Variants in LYST observed in about 807,000 individuals in gnomAD.
The protein encoded by LYST is lysosomal-trafficking regulator.
In LYST, 192 loss-of-function variants were observed where a neutral mutation model predicts 413.6. That is an observed-to-expected ratio of 0.46 (90% CI 0.41 to 0.52). The LOEUF (loss-of-function observed/expected upper bound fraction) is 0.52, where lower values mean the gene tolerates loss of function less well. Among genes scored for constraint, LYST ranks in the 20% least tolerant of loss-of-function variants. The pLI is 0.00. For synonymous variants in LYST, 1,525 were observed against 1,567.3 expected (o/e 0.97, Z 0.64); for missense variants, 3,815 against 4,499.9 (o/e 0.85, Z 4.35).
At chr1:235,821,192 C>G (rs1306069405) in intron 3 of LYST, among the ~76,000 whole-genome samples, 4 of 152,208 alleles carry the variant, frequency 2.6e-5, no homozygotes, top group African/African-American at 9.7e-5. Flanking sequence ...AATCCCAGCA[C>G]TTTGGGAGGC....
rs1668122936 is a variant in LYST, at chr1:235,766,144, A to G, written c.6056T>C (p.Val2019Ala). 1 of 1,613,368 alleles carries G rather than the reference A, an allele frequency of 6.2e-7. No individual in the cohort carries two copies. The highest frequency in any genetic ancestry group is 1.3e-5 in the African/African-American group (1 of 74,912). Residue 2019 changes from valine to alanine, a missense_variant, in exon 21 of 53, where the codon GTT (valine) becomes GCT (alanine). Physicochemically the swap from Val to Ala is moderately conservative, Grantham distance 64 (BLOSUM62 0). Around this residue, in one of 4 missense-constraint regions of LYST, gnomAD observed 530 missense variants for 696.5 expected, o/e 0.76. Transcript: ENST00000389793. ...LTIIFNFLLA[V>A]HPPTNTYVCH... is the part of the protein sequence containing the mutation. ...AACGTAAGTATTAGTAGGAGGGTGA[A>G]CTGCTAAAAGGAAATTGAAGATAAT...
chr1:235,789,848 G>A (rs1038948937), intron 12 of LYST, among the ~76,000 whole-genome samples: 5 of 152,102 alleles, frequency 3.3e-5, no homozygotes, highest in African/African-American at 1.2e-4. Context: ...GACAAAACCA[G>A]TGTGTACCTA....
intron 42 of LYST, chr1:235,712,700 G>GGTGC (rs1662498577): frequency 1.0e-6 from 1 of 984,682 alleles, no homozygotes; most frequent in South Asian, 4.7e-5. Context: ...TTTTCGGGGG[G>GGTGC]GTGCGTAGGT....
Position 235,677,109 on chromosome 1 carries a change from C to T in LYST, c.11020G>A (p.Ala3674Thr). ...VSASETSGDI[A>T]TVCDSAGGGS... ...AGCTCACCTGAATCACACACAGTAG[C>T]AATATCACCTGAGGTTTCACTGGCA... The change falls in exon 50 of 53, where the codon GCT becomes ACT. Residue 3674 changes from alanine (A) to threonine (T), a missense_variant. Physicochemically the swap from Ala to Thr is moderately conservative, Grantham distance 58. Around this residue, in one of 4 missense-constraint regions of LYST, gnomAD observed 866 missense variants for 1,156.0 expected, o/e 0.75. Transcript: ENST00000389793. The T allele has an allele frequency of 1.2e-6, 2 of 1,613,824 alleles. No homozygotes were observed. The highest frequency in any genetic ancestry group is 1.3e-5 in the African/African-American group (1 of 75,016).
chr1:235,718,097 C>T (rs1332104682), intron 40 of LYST, among the ~76,000 whole-genome samples: 1 of 152,118 alleles, frequency 6.6e-6, no homozygotes, highest in African/African-American at 2.4e-5. Context: ...CTCCTGACCT[C>T]AGGTGATCCA....
chr1:235,793,682 A>G, intron 10 of LYST, 70 bp from the exon 11 acceptor site: 1 of 803,530 alleles, frequency 1.2e-6, no homozygotes, highest in East Asian at 2.5e-5. Flanking sequence ...CAATTTCACC[A>G]AAAGAGGTAA....
At chr1:235,867,012 C>A, upstream of LYST, 1 of 152,652 alleles carries the variant, frequency 6.6e-6, no homozygotes, top group South Asian at 1.9e-4. Context: ...ACCCGCTCGT[C>A]TGCGCGTGCG....
At position 235,804,554 on chromosome 1, in the gene LYST, G is replaced by C; in HGVS notation, c.3505C>G (p.Leu1169Val). The change falls in exon 7 of 53, where the codon CTC becomes GTC. Residue 1169 changes from leucine (L) to valine (V), a missense_variant. By Grantham distance (32) the Leu-to-Val change is conservative (BLOSUM62 1). This residue lies in a region of LYST where 1,648 missense variants were observed against 1,810.3 expected (regional missense o/e 0.91). Transcript: ENST00000389793. ...TCAAAATCTGCTGAATAATTCCCGA[G>C]GGCAACTCGAAGCAGGGCATCAAAT... The part of the protein sequence containing the change: ...PLFDALLRVA[L>V]GNYSADFEHN... The C allele has an allele frequency of 2.5e-6, 4 of 1,613,472 alleles. No homozygotes were observed. Among genetic ancestry groups the C allele is most frequent in the Middle Eastern group, 1.7e-4 (1 of 6,060 alleles).
intron 30 of LYST, among the ~76,000 whole-genome samples, chr1:235,743,606 T>C (rs1377627496): frequency 3.3e-5 from 5 of 152,150 alleles, no homozygotes; most frequent in African/African-American, 1.2e-4. Flanking sequence ...CTAAAATTCA[T>C]AATAATTAGA....
At chr1:235,821,207 G>C (rs114262417) in intron 3 of LYST, among the ~76,000 whole-genome samples, 160 of 152,296 alleles carry the variant, frequency 1.1e-3, no homozygotes, top group African/African-American at 3.7e-3. Context: ...GGAGGCCAAG[G>C]GGGGTGGTTG....
intron 31 of LYST, among the ~76,000 whole-genome samples, chr1:235,740,856 T>C (rs1456407358): frequency 6.6e-6 from 1 of 152,228 alleles, no homozygotes. Context: ...GTTAAATATA[T>C]GTTTAATTTT....
chr1:235,766,159 T>C lies in LYST; in HGVS notation c.6041A>G (p.Asn2014Ser). Residue 2014 changes from asparagine (N) to serine (S), a missense_variant, in exon 21 of 53, where the codon AAT becomes AGT. Asn to Ser is a conservative substitution (Grantham distance 46). Transcript: ENST00000389793. ...AGGAGGGTGAACTGCTAAAAGGAAATTGAAGATAATTGTCAATAATTCCAA... is the reference window on the plus strand; with the variant it reads ...AGGAGGGTGAACTGCTAAAAGGAAACTGAAGATAATTGTCAATAATTCCAA... ...PDLELLTIIF[N>S]FLLAVHPPTN... The C allele has an allele frequency of 6.2e-7, 1 of 1,613,222 alleles. No homozygotes were observed. The highest frequency in any genetic ancestry group is 8.5e-7 in the Non-Finnish European group (1 of 1,179,258).
At chr1:235,687,557 T>C (rs559575647) in intron 47 of LYST, among the ~76,000 whole-genome samples, 4 of 152,342 alleles carry the variant, frequency 2.6e-5, no homozygotes, top group Admixed American at 1.3e-4. Context: ...GATGGGATTA[T>C]GCCTTTGGTA....
intron 48 of LYST, among the ~76,000 whole-genome samples, chr1:235,679,662 G>C (rs1261524795): frequency 6.6e-6 from 1 of 152,034 alleles, no homozygotes; most frequent in Non-Finnish European, 1.5e-5. Flanking sequence ...TACCACACCA[G>C]CCTGGGGCCA....
rs763230913 is a variant in LYST, at chr1:235,787,191, G to C, written c.4862+9C>G. On this transcript the variant is annotated intron_variant, in intron 14 of 52. Coordinates refer to ENST00000389793, the MANE Select transcript of LYST (RefSeq NM_000081.4). ...AGATTGAGATGCATTTTCTCAAAAT[G>C]CTTCCTACCTCTGTCCAGAGACCCA... 4.4e-6 allele frequency: 7 copies of C among 1,608,440 alleles called. No homozygotes were observed. In the South Asian group the frequency reaches 7.7e-5, roughly 18 times the overall value.
At chr1:235,701,839 TAA>T (rs1661577718) in intron 45 of LYST, among the ~76,000 whole-genome samples, 1 of 152,260 alleles carries the variant, frequency 6.6e-6, no homozygotes. Context: ...ACTGGTGGAA[TAA>T]GTTTTGTTTG....
At chr1:235,790,741 G>T (rs927038582) in intron 12 of LYST, among the ~76,000 whole-genome samples, 1 of 151,986 alleles carries the variant, frequency 6.6e-6, no homozygotes, top group African/African-American at 2.4e-5. Context: ...TCAATGAACA[G>T]TTTTTTTTCT....
intron 24 of LYST, among the ~76,000 whole-genome samples, chr1:235,756,051 A>ATATCTG (rs964239591): frequency 9.4e-5 from 11 of 117,166 alleles, no homozygotes; most frequent in Non-Finnish European, 2.0e-4. Context: ...ATCTATATCT[A>ATATCTG]TATCTATATC....
At chr1:235,731,280 G>T (rs1385253475) in intron 34 of LYST, 103 bp from the exon 35 acceptor site, 4 of 984,660 alleles carry the variant, frequency 4.1e-6, no homozygotes, top group Admixed American at 3.5e-5. Flanking sequence ...CAACTGATCT[G>T]TTAATTTAAA....
Sources: gnomAD v4.1 joint callset for allele counts (sites outside exome capture counted in the v4.1 genomes callset) on GRCh38, gnomAD v4.1.1 for gene constraint, gnomAD v4.1.1 regional missense constraint, MANE v1.5 for transcripts, NCBI Gene and HGNC (gene_info 2026-07-23, HGNC 2026-07-21) for gene names.